The following RPAP2 variants were observed in gnomAD, a reference collection of about 807,000 sequenced individuals.
The protein encoded by RPAP2 is putative RNA polymerase II subunit B1 CTD phosphatase RPAP2.
RPAP2 carries 52 observed loss-of-function variants against 73.1 expected under a neutral mutation model. The observed-to-expected ratio is 0.71, with a 90% CI of 0.57 to 0.90. The LOEUF (loss-of-function observed/expected upper bound fraction) is 0.90, where lower values mean the gene tolerates loss of function less well. Among genes scored for constraint, RPAP2 ranks in the 40% least tolerant of loss-of-function variants. The pLI is 0.00. For synonymous variants in RPAP2, 225 were observed against 242.1 expected, an observed-to-expected ratio of 0.93 and a Z score of 0.65; for missense variants, 598 against 701.8, an observed-to-expected ratio of 0.85 and a Z score of 1.67.
rs1031644083 is a variant in RPAP2 at position 92,389,017 on chromosome 1, A to C, written c.*2006A>C. 5 of 152,302 alleles carry C rather than the reference A, an allele frequency of 3.3e-5. No individual in the cohort carries two copies. The highest frequency in any genetic ancestry group is 5.9e-5 in the Non-Finnish European group (4 of 68,116). 9.4% of individuals were successfully genotyped at this position (152,302 alleles called of 1,614,324 possible). ...CTCCAGACTTAAACGTCCCTGCCTG[A>C]CAGCTCTGAAGAGAGCAGTGGTTCT... On this transcript the variant is annotated 3_prime_UTR_variant, in exon 13 of 13. Transcript: ENST00000610020.
intron 11 of RPAP2, among the ~76,000 whole-genome samples, chr1:92,370,717 G>A (rs559264605): frequency 1.3e-5 from 2 of 152,102 alleles, no homozygotes; most frequent in South Asian, 2.1e-4. Context: ...AAAAAAACAC[G>A]GGGGTGGGGG....
rs72960847 is a variant in RPAP2 at position 92,387,069 on chromosome 1, A to G, written c.*58A>G. ...TTCTATTCACCGTTTCTGGAATTCT[A>G]GCCGCCATGATGGTCTGGTGGTGAC... On this transcript the variant is annotated 3_prime_UTR_variant, in exon 13 of 13. Transcript: ENST00000610020. 0.012 allele frequency: 19,058 copies of G among 1,543,328 alleles called. 599 individuals are homozygous for G. Among genetic ancestry groups the G allele is most frequent in the African/African-American group, 0.12 (8,810 of 73,318 alleles).
At chr1:92,320,239 T>G (rs1367246549) in intron 6 of RPAP2, among the ~76,000 whole-genome samples, 1 of 152,042 alleles carries the variant, frequency 6.6e-6, no homozygotes, top group Non-Finnish European at 1.5e-5. Flanking sequence ...CCAGATTTCT[T>G]GTTGATGAAT....
intron 8 of RPAP2, among the ~76,000 whole-genome samples, chr1:92,325,354 T>C (rs1038157628): frequency 7.9e-5 from 12 of 152,042 alleles, no homozygotes; most frequent in African/African-American, 2.7e-4. Context: ...TTCTATAGAG[T>C]GTTGCTTGGC....
At chr1:92,383,565 TTGTC>T (rs1225111783) in intron 12 of RPAP2, among the ~76,000 whole-genome samples, 3 of 151,814 alleles carry the variant, frequency 2.0e-5, no homozygotes, top group Non-Finnish European at 4.4e-5. Context: ...ATTTGGCTGT[TTGTC>T]TGTTATTGGT....
intron 11 of RPAP2, among the ~76,000 whole-genome samples, chr1:92,363,304 C>T (rs577256760): frequency 3.9e-5 from 6 of 152,108 alleles, no homozygotes; most frequent in South Asian, 2.1e-4. Flanking sequence ...TTTGAAGCTG[C>T]GGGCAAGGTA....
chr1:92,299,293 C>T (rs1650599273), intron 1 of RPAP2, 147 bp downstream of exon 1: 3 of 454,038 alleles, frequency 6.6e-6, no homozygotes, highest in African/African-American at 2.0e-5. Flanking sequence ...TTCCCACCGC[C>T]GTCCGCACCT....
At chr1:92,363,779 A>T in intron 11 of RPAP2, 1 of 294,212 alleles carries the variant, frequency 3.4e-6, no homozygotes, top group South Asian at 3.4e-5. Context: ...TAGTAAATAT[A>T]TTTTCTCTTC....
In RPAP2 at chr1:92,303,990, C is replaced by T; in HGVS notation, c.248C>T (p.Thr83Ile). Residue 83 changes from threonine to isoleucine, a missense_variant, in exon 4 of 13, where the codon ACA becomes ATA. Around this residue, in one of 3 missense-constraint regions of RPAP2, gnomAD observed 506 missense variants for 612.8 expected, o/e 0.83. Transcript: ENST00000610020. ...ATTTCATTTTAGGGGAGGTTCATTA[C>T]ACCTGCTCACTACAGTGATGTCGTG... ...EFLMECGRFI[T>I]PAHYSDVVDE... 1 of 1,608,686 alleles carries T rather than the reference C, an allele frequency of 6.2e-7. No homozygotes were observed. The highest frequency in any genetic ancestry group is 2.2e-5 in the East Asian group (1 of 44,704).
intron 11 of RPAP2, among the ~76,000 whole-genome samples, chr1:92,354,805 T>A (rs1042487359): frequency 1.3e-5 from 2 of 151,828 alleles, no homozygotes; most frequent in Non-Finnish European, 2.9e-5. Context: ...TTAATGGTAC[T>A]AACCTCACAT....
intron 11 of RPAP2, among the ~76,000 whole-genome samples, chr1:92,357,681 G>A (rs556042380): frequency 2.0e-5 from 3 of 152,198 alleles, no homozygotes; most frequent in East Asian, 3.9e-4. Flanking sequence ...ATAGGCATGC[G>A]CCACCACACC....
At chr1:92,326,879 C>T (rs992771532) in intron 8 of RPAP2, among the ~76,000 whole-genome samples, 1 of 152,236 alleles carries the variant, frequency 6.6e-6, no homozygotes, top group Non-Finnish European at 1.5e-5. Flanking sequence ...CTACCAGCCT[C>T]TCACCTGTGA....
chr1:92,380,929 A>T, intron 12 of RPAP2, 56 bp downstream of exon 12: 2 of 1,378,044 alleles, frequency 1.5e-6, no homozygotes. Context: ...GCCTATGTGG[A>T]TTCTTTTTTT....
Position 92,398,909 on chromosome 1 carries a change from T to G in RPAP2, c.*11898T>G, listed in dbSNP as rs568742012. 6.6e-6 allele frequency: 1 copy of G among 152,250 alleles called. No homozygotes were observed. The highest frequency in any genetic ancestry group is 2.4e-5 in the African/African-American group (1 of 41,474). 9.4% of individuals were successfully genotyped at this position (152,250 alleles called of 1,614,324 possible). A position where few individuals can be genotyped will look rare whatever the true frequency, so the allele number is the denominator to read the frequency against. Reference sequence around the variant, plus strand: ...GAGAATTCATGTGTCCTTTTCCAAATTAAACTAGCAAAATATGAACTTTTG... The same window carrying G: ...GAGAATTCATGTGTCCTTTTCCAAAGTAAACTAGCAAAATATGAACTTTTG... On this transcript the variant is annotated 3_prime_UTR_variant, in exon 13 of 13. Transcript: ENST00000610020.
At chr1:92,324,920 T>G (rs534205764) in intron 8 of RPAP2, among the ~76,000 whole-genome samples, 1 of 152,348 alleles carries the variant, frequency 6.6e-6, no homozygotes, top group East Asian at 1.9e-4. Context: ...ACATCTGTTG[T>G]GTCATTTACT....
rs1309694727 is a variant in RPAP2, at chr1:92,352,519, G to T, written c.1688+6605G>T. Among the ~76,000 whole-genome samples, 3 of 152,088 alleles carry T rather than the reference G, an allele frequency of 2.0e-5. No homozygotes were observed. In the East Asian group the frequency reaches 5.8e-4, roughly 29 times the overall value. On this transcript the variant is annotated intron_variant, in intron 11 of 12. Coordinates refer to ENST00000610020, the MANE Select transcript of RPAP2 (RefSeq NM_024813.3). ...GTGAACATACCATGAAAAACAAAGA[G>T]ATGGTTCCTTAGAAATTTATTGGTT...
chr1:92,386,689 T>C (rs1333865784), intron 12 of RPAP2, among the ~76,000 whole-genome samples: 3 of 152,216 alleles, frequency 2.0e-5, no homozygotes, highest in Non-Finnish European at 4.4e-5. Context: ...TTACATGTTT[T>C]TTTGTTGTTT....
chr1:92,394,084 C>T lies in RPAP2; in HGVS notation c.*7073C>T, dbSNP rs890091545. ...AAGATTTGAAACCAACCCAAATGCC[C>T]GTCAATGATAGACTGGATTAAGAAA... On this transcript the variant is annotated 3_prime_UTR_variant, in exon 13 of 13. Coordinates refer to ENST00000610020, the MANE Select transcript of RPAP2 (RefSeq NM_024813.3). 2.0e-5 allele frequency: 3 copies of T among 152,116 alleles called. No individual in the cohort carries two copies. Among genetic ancestry groups the T allele is most frequent in the Non-Finnish European group, 4.4e-5 (3 of 68,034 alleles). The allele number at this position is 152,116 out of a possible 1,614,324, so 9.4% of individuals were successfully genotyped here.
In RPAP2 at chr1:92,324,067, T is replaced by C. The variant is rs762988601; in HGVS notation, c.1147T>C (p.Leu383=). The C allele has an allele frequency of 2.3e-5, 37 of 1,613,902 alleles. No homozygotes were observed. The highest frequency in any genetic ancestry group is 2.8e-5 in the Non-Finnish European group (33 of 1,179,952). The part of the protein sequence containing the change: ...TLIEWKTEET[L]RFLYGQNYAS... ...GATTGAGTGGAAGACAGAAGAAACA[T>C]TGAGGTTTTTGTATGGCCAGAATTA... is the stretch of plus-strand genomic sequence containing the variant. Residue 383 remains leucine (L), a synonymous_variant, in exon 8 of 13, where the codon TTG becomes CTG. Coordinates refer to ENST00000610020, the MANE Select transcript of RPAP2 (RefSeq NM_024813.3).
Sources: allele counts gnomAD v4.1 joint callset (sites outside exome capture counted in the v4.1 genomes callset), GRCh38; gene constraint gnomAD v4.1.1; regional missense constraint gnomAD v4.1.1; transcripts MANE v1.5; gene names NCBI Gene and HGNC (gene_info 2026-07-23, HGNC 2026-07-21).